Variants in NR4A3 observed in about 807,000 individuals in gnomAD.
NR4A3 encodes the protein chondrosarcoma, extraskeletal myxoid, fused to EWS.
NR4A3 carries 13 observed loss-of-function variants against 55.6 expected under a neutral mutation model. The observed-to-expected ratio is 0.23, with a 90% CI of 0.15 to 0.37. The LOEUF (loss-of-function observed/expected upper bound fraction) is 0.37. NR4A3 is among the 10% of genes least tolerant of loss of function. The pLI, the probability that NR4A3 is intolerant of heterozygous loss-of-function variation, is 1.00. For missense variants in NR4A3, 646 were observed against 822.8 expected, an observed-to-expected ratio of 0.79 and a Z score of 2.63; for synonymous variants, 342 against 357.9, an observed-to-expected ratio of 0.96 and a Z score of 0.50.
Position 99,828,625 on chromosome 9 carries a change from C to G in NR4A3, c.583C>G (p.Pro195Ala). The G allele has an allele frequency of 6.7e-7, 1 of 1,483,278 alleles. No individual in the cohort carries two copies. Among genetic ancestry groups the G allele is most frequent in the East Asian group, 2.9e-5 (1 of 34,558 alleles). 91.9% of individuals were successfully genotyped at this position (1,483,278 alleles called of 1,614,324 possible). ...GARFPLFHFK[P>A]SPPHPPAPSP... ...GCGCTTCCCGCTCTTCCACTTCAAG[C>G]CCTCGCCGCCGCATCCCCCCGCGCC... The change falls in exon 3 of 8, where the codon CCC (proline) becomes GCC (alanine). Residue 195 changes from proline (P) to alanine (A), a missense_variant. By Grantham distance (27) the Pro-to-Ala change is conservative. This residue lies in a region of NR4A3 where 426 missense variants were observed against 429.4 expected (regional missense o/e 0.99). Coordinates refer to ENST00000395097, the MANE Select transcript of NR4A3 (RefSeq NM_006981.4). This position sits in a 1 kb window ranked among gnomAD's most constrained non-coding sequence, Gnocchi z 7.7.
At position 99,853,324 on chromosome 9, in the gene NR4A3, T is replaced by TC. The variant is rs1467018146; in HGVS notation, c.1633+5709_1633+5710insC. Among the ~76,000 whole-genome samples, 18 of 149,196 alleles carry TC rather than the reference T, an allele frequency of 1.2e-4. No individual in the cohort carries two copies. The East Asian group carries it at 1.9e-3, about 16-fold the overall frequency. The stretch of plus-strand genomic sequence containing the variant: ...TACACATTGTGTTAGGGAATTTCTT[T>TC]TTTTTTTTTTTTTTTTATTATACTC... On this transcript the variant is annotated intron_variant, in intron 7 of 7. Transcript: ENST00000395097.
rs770137012 is a variant in NR4A3, at chr9:99,826,770, C to G, written c.-3+938C>G. On this transcript the variant is annotated intron_variant, in intron 2 of 7. Coordinates refer to ENST00000395097, the MANE Select transcript of NR4A3 (RefSeq NM_006981.4). ...TTTCAAGTCAAGATTTCATCCCATACATGCATGACTCAATCAGATTTGGAA... is the reference window on the plus strand; with the variant it reads ...TTTCAAGTCAAGATTTCATCCCATAGATGCATGACTCAATCAGATTTGGAA... 4 of 1,613,798 alleles carry G rather than the reference C, an allele frequency of 2.5e-6. No homozygotes were observed. In the South Asian group the frequency reaches 4.4e-5, roughly 18 times the overall value.
chr9:99,864,036 A>C lies in NR4A3; in HGVS notation c.*169A>C. The C allele has an allele frequency of 1.2e-5, 9 of 725,716 alleles. No individual in the cohort carries two copies. The highest frequency in any genetic ancestry group is 2.0e-5 in the South Asian group (1 of 50,886). 45.0% of individuals were successfully genotyped at this position (725,716 alleles called of 1,614,324 possible). On this transcript the variant is annotated 3_prime_UTR_variant, in exon 8 of 8. Transcript: ENST00000395097. ...TTCTGGCTCTTTTCCTTACAACCTA[A>C]AGCCAGAAAACTTGCAGAGTATTGT...
At chr9:99,835,781 C>T (rs988649119) in intron 5 of NR4A3, among the ~76,000 whole-genome samples, 23 of 152,206 alleles carry the variant, frequency 1.5e-4, no homozygotes, top group Non-Finnish European at 1.3e-4. Flanking sequence ...AGTGTGTTTG[C>T]TTGCCTCTGC....
At position 99,865,598 on chromosome 9, in the gene NR4A3, T is replaced by C. The variant is rs1291286406; in HGVS notation, c.*1731T>C. The C allele has an allele frequency of 5.3e-6, 1 of 189,822 alleles. No individual in the cohort carries two copies. The highest frequency in any genetic ancestry group is 2.3e-5 in the African/African-American group (1 of 42,982). The allele number at this position is 189,822 out of a possible 1,614,324, so 11.8% of individuals were successfully genotyped here. ...AAACAAACTTTGAATGTCAAACTGA[T>C]GTCACAGTAGTTTTTGTTAGCTTTA... On this transcript the variant is annotated 3_prime_UTR_variant, in exon 8 of 8. Transcript: ENST00000395097. The surrounding 1 kb of genome is among the most constrained non-coding windows in gnomAD (Gnocchi z 4.3).
At position 99,833,421 on chromosome 9, in the gene NR4A3, A is replaced by G; in HGVS notation, c.1221A>G (p.Thr407=). Residue 407 remains threonine, a synonymous_variant, in exon 5 of 8, where the codon ACA becomes ACG. Coordinates refer to ENST00000395097, the MANE Select transcript of NR4A3 (RefSeq NM_006981.4). ...CMMNALVRAL[T]DSTPRDLDYS... is the part of the protein sequence containing the mutation. ...TGAATGCCCTTGTCCGAGCTTTAAC[A>G]GACTCAACACCCAGAGATCTTGATT... 6.2e-7 allele frequency: 1 copy of G among 1,614,100 alleles called. No individual in the cohort carries two copies. Among genetic ancestry groups the G allele is most frequent in the South Asian group, 1.1e-5 (1 of 91,082 alleles).
intron 6 of NR4A3, among the ~76,000 whole-genome samples, chr9:99,845,162 T>G (rs1305433665): frequency 6.6e-6 from 1 of 152,196 alleles, no homozygotes; most frequent in Non-Finnish European, 1.5e-5. Context: ...CCCTTGCAGC[T>G]CCAACATTCT....
At chr9:99,827,691 C>G (rs1454105632) in intron 2 of NR4A3, among the ~76,000 whole-genome samples, 1 of 152,114 alleles carries the variant, frequency 6.6e-6, no homozygotes, top group Non-Finnish European at 1.5e-5. Context: ...GCTGAGGAGC[C>G]CACTCCAATT....
At chr9:99,823,661 T>C (rs369251559) in intron 1 of NR4A3, among the ~76,000 whole-genome samples, 1,554 of 152,238 alleles carry the variant, frequency 0.01, 16 homozygotes, top group South Asian at 0.038. Flanking sequence ...TCGAGTTATT[T>C]TCGCTGAACA....
At chr9:99,855,212 T>G (rs1373252509) in intron 7 of NR4A3, among the ~76,000 whole-genome samples, 2 of 152,224 alleles carry the variant, frequency 1.3e-5, no homozygotes, top group Non-Finnish European at 2.9e-5. Flanking sequence ...TTAGGGAATT[T>G]CTTTGTGTCT....
rs1422005578 is a variant in NR4A3, at chr9:99,833,311, A to C, written c.1111A>C (p.Arg371=). The C allele has an allele frequency of 3.1e-6, 5 of 1,613,374 alleles. No individual in the cohort carries two copies. The highest frequency in any genetic ancestry group is 4.2e-6 in the Non-Finnish European group (5 of 1,179,700). ...CCGTACAGATAGTCTGAAAGGGAGGAGAGGTCGTCTGCCTTCCAAACCAAA... is the reference window on the plus strand; with the variant it reads ...CCGTACAGATAGTCTGAAAGGGAGGCGAGGTCGTCTGCCTTCCAAACCAAA... The part of the protein sequence containing the change: ...VVRTDSLKGR[R]GRLPSKPKSP... The change falls in exon 5 of 8, where the codon AGA becomes CGA. Residue 371 remains arginine, a synonymous_variant. Transcript: ENST00000395097.
chr9:99,837,051 AT>A (rs893023364), intron 5 of NR4A3, among the ~76,000 whole-genome samples: 3 of 151,534 alleles, frequency 2.0e-5, no homozygotes, highest in Non-Finnish European at 4.4e-5. Context: ...TTTTAAATAG[AT>A]TTTTTTTCTG....
chr9:99,826,773 G>T, intron 2 of NR4A3: 9 of 1,613,824 alleles, frequency 5.6e-6, no homozygotes, highest in Non-Finnish European at 7.6e-6. Context: ...TCCCATACAT[G>T]CATGACTCAA....
rs1828085461 is a variant in NR4A3, at chr9:99,865,726, T to C, written c.*1859T>C. The C allele has an allele frequency of 4.9e-5, 10 of 206,046 alleles. No individual in the cohort carries two copies. The East Asian group carries it at 6.8e-4, about 14-fold the overall frequency. 12.8% of individuals were successfully genotyped at this position (206,046 alleles called of 1,614,324 possible). The stretch of plus-strand genomic sequence containing the variant: ...AACAAATGCCAAATGAATTGCCTAA[T>C]TGCTGCAAAGTATAACCCAGATAGG... On this transcript the variant is annotated 3_prime_UTR_variant, in exon 8 of 8. Transcript: ENST00000395097. This position sits in a 1 kb window ranked among gnomAD's most constrained non-coding sequence, Gnocchi z 4.3.
At chr9:99,853,163 A>G (rs1381347654) in intron 7 of NR4A3, among the ~76,000 whole-genome samples, 6 of 152,112 alleles carry the variant, frequency 3.9e-5, no homozygotes, top group Non-Finnish European at 7.4e-5. Flanking sequence ...TAAAAATTGA[A>G]TGAACTAATA....
At chr9:99,832,416 G>T (rs1383019628) in intron 3 of NR4A3, among the ~76,000 whole-genome samples, 1 of 152,186 alleles carries the variant, frequency 6.6e-6, no homozygotes, top group African/African-American at 2.4e-5. Context: ...TCCAAGGTAT[G>T]ATATGTTGAC....
chr9:99,847,317 G>C (rs780911746), intron 6 of NR4A3, 120 bp from the exon 7 acceptor site: 127 of 861,618 alleles, frequency 1.5e-4, no homozygotes, highest in Non-Finnish European at 2.5e-5. Context: ...ATGCTTCATA[G>C]CACCACACTG....
chr9:99,840,144 G>A (rs113462260), intron 5 of NR4A3, among the ~76,000 whole-genome samples: 60 of 152,224 alleles, frequency 3.9e-4, no homozygotes, highest in Non-Finnish European at 6.2e-4. Flanking sequence ...AAAATTCTGA[G>A]ACTTGGACCA....
intron 7 of NR4A3, among the ~76,000 whole-genome samples, chr9:99,863,118 C>T (rs1828036625): frequency 6.6e-6 from 1 of 152,202 alleles, no homozygotes; most frequent in South Asian, 2.1e-4. Context: ...CTCCCCACCT[C>T]CCTTAAATGA....
Sources: gnomAD v4.1 joint callset for allele counts (sites outside exome capture counted in the v4.1 genomes callset) on GRCh38, gnomAD v4.1.1 for gene constraint, gnomAD v4.1.1 regional missense constraint, Gnocchi (gnomAD v3.1) non-coding constraint, MANE v1.5 for transcripts, NCBI Gene and HGNC (gene_info 2026-07-23, HGNC 2026-07-21) for gene names.